The following GHR variants were observed in gnomAD, a reference collection of about 807,000 sequenced individuals.
The protein encoded by GHR is growth hormone receptor.
GHR carries 35 observed loss-of-function variants against 67.1 expected under a neutral mutation model. The ratio of observed to expected loss-of-function variants is 0.52; its 90% CI spans 0.40 to 0.69. The LOEUF is 0.69. GHR is among the 30% of genes least tolerant of loss of function. GHR has a pLI of 0.00. For missense variants in GHR, 792 were observed against 764.6 expected, an observed-to-expected ratio of 1.04 and a Z score of -0.42; for synonymous variants, 272 against 269.1, an observed-to-expected ratio of 1.01 and a Z score of -0.10.
At chr5:42,571,644 G>A (rs910329874) in intron 2 of GHR, among the ~76,000 whole-genome samples, 5 of 152,196 alleles carry the variant, frequency 3.3e-5, no homozygotes, top group African/African-American at 1.2e-4. Context: ...TTAGTAAATT[G>A]AAGGAGTGGG....
rs1027309904 is a variant in GHR at position 42,573,260 on chromosome 5, A to C, written c.70+7316A>C. ...TCCTGAGCAAGGCAGGAGTTGAATT[A>C]GTATCCCCTTATAGTGGGAGGGGTC... is the stretch of plus-strand genomic sequence containing the variant. On this transcript the variant is annotated intron_variant, in intron 2 of 9. Transcript: ENST00000230882. 9.9e-5 allele frequency among the ~76,000 whole-genome samples: 15 copies of C among 152,182 alleles called. 1 individual carries two copies. Among genetic ancestry groups the C allele is most frequent in the South Asian group, 8.3e-4 (4 of 4,832 alleles).
At chr5:42,459,151 T>C (rs566830272) in intron 1 of GHR, among the ~76,000 whole-genome samples, 1 of 152,328 alleles carries the variant, frequency 6.6e-6, no homozygotes, top group South Asian at 2.1e-4. Context: ...AATCCCATTA[T>C]TGGATATAAA....
intron 2 of GHR, among the ~76,000 whole-genome samples, chr5:42,583,573 A>ATGATGTCCC (rs1224223715): frequency 6.6e-6 from 1 of 152,186 alleles, no homozygotes; most frequent in African/African-American, 2.4e-5. Context: ...TCTACAGACT[A>ATGATGTCCC]CAGCTATGCC....
At chr5:42,435,519 G>GT (rs982885451) in intron 1 of GHR, among the ~76,000 whole-genome samples, 13 of 152,150 alleles carry the variant, frequency 8.5e-5, no homozygotes, top group African/African-American at 3.1e-4. Context: ...ATTTAAGTAA[G>GT]TTTTTTATCT....
At chr5:42,468,391 CTTTATGT>C in intron 1 of GHR, 1 of 1,233,454 alleles carries the variant, frequency 8.1e-7, no homozygotes, top group Non-Finnish European at 1.1e-6. Context: ...CCCATCTAAG[CTTTATGT>C]TTCAAAAGCT....
chr5:42,708,745 T>G (rs938819292), intron 6 of GHR, among the ~76,000 whole-genome samples: 6 of 152,168 alleles, frequency 3.9e-5, no homozygotes, highest in Non-Finnish European at 7.4e-5. Flanking sequence ...GCCACCACTT[T>G]GAAACTCCCA....
chr5:42,605,128 A>C (rs1752567081), intron 2 of GHR, among the ~76,000 whole-genome samples: 1 of 104,568 alleles, frequency 9.6e-6, no homozygotes, highest in East Asian at 2.5e-4. Flanking sequence ...ACAGAGTTTC[A>C]CTCTTGTTGC....
chr5:42,608,155 A>G (rs1209247980), intron 2 of GHR, among the ~76,000 whole-genome samples: 3 of 152,186 alleles, frequency 2.0e-5, no homozygotes, highest in African/African-American at 7.2e-5. Context: ...TATCTATCTG[A>G]CCAGGTTATT....
At chr5:42,465,643 G>A in intron 1 of GHR, 1 of 933,966 alleles carries the variant, frequency 1.1e-6, no homozygotes, top group East Asian at 2.4e-5. Context: ...CAATTCCCCA[G>A]TTGTGAGATC....
rs1554040880 is a variant in GHR, at chr5:42,718,325, G to GGT, written c.946-128_946-127insGT. ...TTTAAAAAGTTACACACTAATTTAT[G>GGT]TTTTTTTATATGTTTTGTTACTGTT... On this transcript the variant is annotated intron_variant, in intron 9 of 9. Coordinates refer to ENST00000230882, the MANE Select transcript of GHR (RefSeq NM_000163.5). 114 of 766,542 alleles carry GGT rather than the reference G, an allele frequency of 1.5e-4. 1 individual carries two copies. Among genetic ancestry groups the GGT allele is most frequent in the Admixed American group, 2.3e-4 (10 of 43,756 alleles). 47.5% of individuals were successfully genotyped at this position (766,542 alleles called of 1,614,324 possible). A position where few individuals can be genotyped will look rare whatever the true frequency, so the allele number is the denominator to read the frequency against.
chr5:42,626,236 G>A (rs187464367), intron 2 of GHR, among the ~76,000 whole-genome samples: 5 of 152,178 alleles, frequency 3.3e-5, no homozygotes, highest in East Asian at 3.9e-4. Context: ...ACAGGTTTAC[G>A]GCTCATTCCA....
chr5:42,611,039 C>A (rs1046665951), intron 2 of GHR, among the ~76,000 whole-genome samples: 1 of 152,170 alleles, frequency 6.6e-6, no homozygotes, highest in African/African-American at 2.4e-5. Context: ...TTTGAAGATA[C>A]TATCTTATGC....
intron 3 of GHR, among the ~76,000 whole-genome samples, chr5:42,634,408 T>G (rs1754071490): frequency 6.6e-6 from 1 of 152,122 alleles, no homozygotes; most frequent in African/African-American, 2.4e-5. Flanking sequence ...CCCCCCTTAA[T>G]AAATTGAACT....
chr5:42,461,363 C>A (rs925222088), intron 1 of GHR, among the ~76,000 whole-genome samples: 1 of 152,198 alleles, frequency 6.6e-6, no homozygotes. Context: ...AACATTTCCC[C>A]AAAAAGTCAC....
At chr5:42,619,633 T>G (rs1385892740) in intron 2 of GHR, 2 of 152,042 alleles carry the variant, frequency 1.3e-5, no homozygotes, top group African/African-American at 4.8e-5. Flanking sequence ...CAACTCTAAC[T>G]CAGGATTACT....
chr5:42,637,082 G>C (rs753688915), intron 3 of GHR, among the ~76,000 whole-genome samples: 2 of 152,050 alleles, frequency 1.3e-5, no homozygotes, highest in Non-Finnish European at 2.9e-5. Context: ...ACCAAGGGTT[G>C]GCAAACAGGC....
chr5:42,518,226 C>T (rs1001029092), intron 1 of GHR, among the ~76,000 whole-genome samples: 1 of 150,934 alleles, frequency 6.6e-6, no homozygotes, highest in Non-Finnish European at 1.5e-5. Context: ...GGCAGCTACT[C>T]ATACAGAGGA....
chr5:42,721,499 TA>T lies in GHR; in HGVS notation c.*2076del, dbSNP rs1759021513. 6.6e-6 allele frequency: 1 copy of T among 152,652 alleles called. No homozygotes were observed. The highest frequency in any genetic ancestry group is 6.5e-5 in the Admixed American group (1 of 15,288). The allele number at this position is 152,652 out of a possible 1,614,324, so 9.5% of individuals were successfully genotyped here. Reference sequence around the variant, plus strand: ...CATGTTATTTGTAATAGATGTTTGATAGATTTTCTGCTACTTTGCTGCTATG... The same window carrying T: ...CATGTTATTTGTAATAGATGTTTGATGATTTTCTGCTACTTTGCTGCTATG... On this transcript the variant is annotated 3_prime_UTR_variant, in exon 10 of 10. Coordinates refer to ENST00000230882, the MANE Select transcript of GHR (RefSeq NM_000163.5).
chr5:42,592,206 G>GCAAGCTAGT (rs1326394188), intron 2 of GHR, among the ~76,000 whole-genome samples: 3 of 152,176 alleles, frequency 2.0e-5, no homozygotes, highest in Admixed American at 1.3e-4. Flanking sequence ...GCAGGTGCTT[G>GCAAGCTAGT]CAAGCTAGTT....
Sources: allele counts gnomAD v4.1 joint callset (sites outside exome capture counted in the v4.1 genomes callset), GRCh38; gene constraint gnomAD v4.1.1; transcripts MANE v1.5; gene names NCBI Gene and HGNC (gene_info 2026-07-23, HGNC 2026-07-21).